Variants in QTMAN observed in about 807,000 individuals in gnomAD.
QTMAN encodes the protein tRNA-queuosine alpha-mannosyltransferase.
the QTMAN span, among the ~76,000 whole-genome samples, chr2:144,077,325 A>C: frequency 7.2e-5 from 11 of 152,260 alleles, no homozygotes; most frequent in Non-Finnish European, 1.3e-4. Flanking sequence ...ATTAAACTCC[A>C]AAAGTTAGAT....
chr2:144,092,869 G>GT, the QTMAN span, among the ~76,000 whole-genome samples: 16,002 of 123,248 alleles, frequency 0.13, 2,030 homozygotes, highest in African/African-American at 0.36. Flanking sequence ...TAAACTTTTG[G>GT]GGTGTGTGTG....
the QTMAN span, among the ~76,000 whole-genome samples, chr2:143,985,259 C>T: frequency 6.6e-6 from 1 of 152,244 alleles, no homozygotes; most frequent in Non-Finnish European, 1.5e-5. Context: ...CCATAAGGGA[C>T]TGAGCACAGC....
chr2:144,011,170 T>A, the QTMAN span, among the ~76,000 whole-genome samples: 1 of 152,146 alleles, frequency 6.6e-6, no homozygotes, highest in African/African-American at 2.4e-5. Context: ...ACAGGATATA[T>A]CCTTTAGTTG....
chr2:144,069,297 CAAA>C, the QTMAN span, among the ~76,000 whole-genome samples: 5 of 85,490 alleles, frequency 5.8e-5, no homozygotes, highest in Admixed American at 1.3e-4. Context: ...GAATCTTTTA[CAAA>C]AAAAAAAAAA....
At chr2:143,980,036 A>G in the QTMAN span, among the ~76,000 whole-genome samples, 6 of 152,126 alleles carry the variant, frequency 3.9e-5, no homozygotes, top group African/African-American at 9.6e-5. Context: ...TTGTTTTTCA[A>G]ATTTTAAGTT....
chr2:144,329,233 C>T, the QTMAN span, among the ~76,000 whole-genome samples: 1 of 150,692 alleles, frequency 6.6e-6, no homozygotes, highest in Non-Finnish European at 1.5e-5. Context: ...CAGAGTGTGA[C>T]TCTGCCTCAA....
the QTMAN span, chr2:144,178,860 G>A: frequency 7.9e-6 from 3 of 378,034 alleles, no homozygotes; most frequent in Admixed American, 1.1e-4. Flanking sequence ...CAGGAAGCTG[G>A]ATCCAGGCTT....
chr2:144,323,644 T>A, the QTMAN span, among the ~76,000 whole-genome samples: 1 of 152,196 alleles, frequency 6.6e-6, no homozygotes, highest in African/African-American at 2.4e-5. Context: ...TGAACTGTTA[T>A]CTTAAGGAAA....
At chr2:144,062,940 G>C in the QTMAN span, among the ~76,000 whole-genome samples, 3 of 152,096 alleles carry the variant, frequency 2.0e-5, no homozygotes, top group Non-Finnish European at 4.4e-5. Context: ...TTCAAGAAGG[G>C]GATGAGAAAG....
the QTMAN span, chr2:144,007,358 T>C: frequency 1.2e-6 from 2 of 1,613,370 alleles, no homozygotes; most frequent in Non-Finnish European, 1.7e-6. Context: ...CCAAATATTC[T>C]TGTCGTGCAG....
At chr2:144,303,873 A>G in the QTMAN span, among the ~76,000 whole-genome samples, 1 of 152,256 alleles carries the variant, frequency 6.6e-6, no homozygotes, top group Non-Finnish European at 1.5e-5. Context: ...CACTCTCTGC[A>G]TCATGGTGGG....
At chr2:144,069,309 A>C in the QTMAN span, among the ~76,000 whole-genome samples, 3 of 151,920 alleles carry the variant, frequency 2.0e-5, no homozygotes, top group Non-Finnish European at 2.9e-5. Context: ...AAAAAAAAAA[A>C]AAAACACCTA....
chr2:144,305,795 C>T, the QTMAN span, among the ~76,000 whole-genome samples: 1 of 151,858 alleles, frequency 6.6e-6, no homozygotes, highest in African/African-American at 2.4e-5. Flanking sequence ...ATTTTTTTAC[C>T]GCTTATTTTC....
chr2:144,027,356 A>G, the QTMAN span, among the ~76,000 whole-genome samples: 1 of 152,226 alleles, frequency 6.6e-6, no homozygotes, highest in Non-Finnish European at 1.5e-5. Flanking sequence ...ACCCTAATGA[A>G]AAATTACTCC....
the QTMAN span, among the ~76,000 whole-genome samples, chr2:144,119,742 A>G: frequency 2.0e-5 from 3 of 152,228 alleles, no homozygotes; most frequent in Non-Finnish European, 4.4e-5. Flanking sequence ...AATCACAAAT[A>G]TAAGGAGTCT....
chr2:144,208,023 G>A, the QTMAN span, among the ~76,000 whole-genome samples: 1 of 151,936 alleles, frequency 6.6e-6, no homozygotes, highest in Non-Finnish European at 1.5e-5. Flanking sequence ...CTCATGAGAC[G>A]CTTTCTAATA....
At chr2:144,283,345 C>T in the QTMAN span, among the ~76,000 whole-genome samples, 2 of 152,088 alleles carry the variant, frequency 1.3e-5, no homozygotes, top group African/African-American at 4.8e-5. Context: ...GACAACCAGT[C>T]AGTGAGGAAA....
the QTMAN span, among the ~76,000 whole-genome samples, chr2:144,273,524 A>G: frequency 6.6e-6 from 1 of 152,186 alleles, no homozygotes; most frequent in Non-Finnish European, 1.5e-5. Context: ...AAAAAGCCCA[A>G]TCAACACCAC....
the QTMAN span, chr2:143,952,729 T>G: frequency 8.3e-7 from 1 of 1,198,488 alleles, no homozygotes. Context: ...GCATGAATCA[T>G]ATATTAAATC....
Sources: allele counts gnomAD v4.1 joint callset (sites outside exome capture counted in the v4.1 genomes callset), GRCh38; gene constraint gnomAD v4.1.1; transcripts MANE v1.5; gene names NCBI Gene and HGNC (gene_info 2026-07-23, HGNC 2026-07-21).